GRID2: variants seen among roughly 807,000 people sequenced by gnomAD.
GRID2 encodes the protein glutamate receptor ionotropic, delta-2.
In GRID2, 33 loss-of-function variants were observed where a neutral mutation model predicts 114.8. That is an observed-to-expected ratio of 0.29 (90% CI 0.22 to 0.38). The LOEUF (loss-of-function observed/expected upper bound fraction) is 0.38, where lower values mean the gene tolerates loss of function less well. GRID2 is among the 10% of genes least tolerant of loss of function. The probability of loss-of-function intolerance (pLI) is 1.00; values close to 1 mark genes in which losing one functional copy is unlikely to be tolerated. For synonymous variants in GRID2, 505 were observed against 449.9 expected (o/e 1.12, Z -1.55); for missense variants, 1,184 against 1,257.7 (o/e 0.94, Z 0.89).
chr4:92,709,021 G>A (rs1735085498), intron 2 of GRID2, among the ~76,000 whole-genome samples: 1 of 152,170 alleles, frequency 6.6e-6, no homozygotes, highest in Non-Finnish European at 1.5e-5. Flanking sequence ...AGAACTCACA[G>A]GCTGAGAGTT....
chr4:93,052,146 T>C (rs548558653), intron 2 of GRID2, among the ~76,000 whole-genome samples: 4 of 152,140 alleles, frequency 2.6e-5, no homozygotes, highest in South Asian at 4.1e-4. Flanking sequence ...GTCAATTTCT[T>C]TGGACTTACA....
intron 1 of GRID2, among the ~76,000 whole-genome samples, chr4:92,349,914 A>T (rs1308179045): frequency 4.0e-5 from 6 of 151,894 alleles, no homozygotes; most frequent in African/African-American, 1.4e-4. Flanking sequence ...GTAACCCTTA[A>T]GTTCTTCCAC....
rs191850976 is a variant in GRID2, at chr4:92,429,273, A to T, written c.88+124529A>T. On this transcript the variant is annotated intron_variant, in intron 1 of 15. Coordinates refer to ENST00000282020, the MANE Select transcript of GRID2 (RefSeq NM_001510.4). ...AATATCCAATATCCCAGCCTCTTGT[A>T]AATATTCTATTTTCTGTCTTCATAA... 2.4e-3 allele frequency among the ~76,000 whole-genome samples: 373 copies of T among 152,278 alleles called. 3 individuals carry two copies. The highest frequency in any genetic ancestry group is 8.4e-3 in the African/African-American group (348 of 41,574).
At chr4:93,765,533 A>G (rs1232010097) in intron 14 of GRID2, among the ~76,000 whole-genome samples, 1 of 151,674 alleles carries the variant, frequency 6.6e-6, no homozygotes, top group African/African-American at 2.4e-5. Context: ...GGCTGAACCT[A>G]AAAATTCTGC....
chr4:93,239,128 A>G (rs1747161598), intron 8 of GRID2, among the ~76,000 whole-genome samples: 2 of 146,636 alleles, frequency 1.4e-5, no homozygotes, highest in Admixed American at 7.0e-5. Context: ...AATTTTTGAT[A>G]TATATATCAA....
At chr4:92,705,368 A>C (rs1487205009) in intron 2 of GRID2, among the ~76,000 whole-genome samples, 1 of 152,206 alleles carries the variant, frequency 6.6e-6, no homozygotes, top group Non-Finnish European at 1.5e-5. Flanking sequence ...TATTGAGAAC[A>C]TACTACACGC....
intron 2 of GRID2, among the ~76,000 whole-genome samples, chr4:92,734,626 A>G (rs1349914269): frequency 6.6e-6 from 1 of 152,006 alleles, no homozygotes. Context: ...AGGAAACTTG[A>G]CATTCATGAA....
intron 13 of GRID2, among the ~76,000 whole-genome samples, chr4:93,589,769 C>T (rs1384154883): frequency 6.6e-6 from 1 of 151,998 alleles, no homozygotes; most frequent in African/African-American, 2.4e-5. Flanking sequence ...ATGGTATCTC[C>T]TTGTGGTTTT....
intron 1 of GRID2, among the ~76,000 whole-genome samples, chr4:92,388,760 T>A (rs773050989): frequency 6.6e-6 from 1 of 152,022 alleles, no homozygotes; most frequent in East Asian, 1.9e-4. Context: ...TGTATATATA[T>A]GAAATAGACT....
At chr4:93,371,061 C>T (rs1247203455) in intron 8 of GRID2, among the ~76,000 whole-genome samples, 8 of 152,048 alleles carry the variant, frequency 5.3e-5, no homozygotes, top group African/African-American at 1.9e-4. Flanking sequence ...TGCATTGAAT[C>T]GTTTATTCAG....
intron 8 of GRID2, among the ~76,000 whole-genome samples, chr4:93,261,945 T>C (rs1379904226): frequency 6.6e-6 from 1 of 151,608 alleles, no homozygotes; most frequent in African/African-American, 2.4e-5. Flanking sequence ...TTCACTCAAA[T>C]ACTGAACCAA....
At chr4:93,526,777 C>G (rs1730950449) in intron 13 of GRID2, among the ~76,000 whole-genome samples, 1 of 152,032 alleles carries the variant, frequency 6.6e-6, no homozygotes, top group African/African-American at 2.4e-5. Context: ...CCATTGCACT[C>G]CAGCCTGGGC....
At chr4:92,676,585 G>A (rs1389630837) in intron 2 of GRID2, among the ~76,000 whole-genome samples, 1 of 151,986 alleles carries the variant, frequency 6.6e-6, no homozygotes, top group Non-Finnish European at 1.5e-5. Context: ...TTCATATGGA[G>A]CATGGACTTA....
chr4:93,233,214 A>G (rs1746339714), intron 7 of GRID2, among the ~76,000 whole-genome samples: 1 of 152,128 alleles, frequency 6.6e-6, no homozygotes, highest in Non-Finnish European at 1.5e-5. Context: ...GAATAGAGAC[A>G]TGGCTTCTAA....
chr4:93,461,670 C>T (rs1162063864), intron 11 of GRID2, among the ~76,000 whole-genome samples: 1 of 152,100 alleles, frequency 6.6e-6, no homozygotes, highest in Non-Finnish European at 1.5e-5. Context: ...TCCAACTGTG[C>T]AAAAGCAGTA....
At chr4:93,067,435 G>T (rs1423866078) in intron 2 of GRID2, among the ~76,000 whole-genome samples, 1 of 151,970 alleles carries the variant, frequency 6.6e-6, no homozygotes, top group Non-Finnish European at 1.5e-5. Context: ...TTCTGTTATG[G>T]TGGAAGGAGA....
chr4:92,639,040 A>G lies in GRID2; in HGVS notation c.244+48754A>G, dbSNP rs190363726. Among the ~76,000 whole-genome samples the G allele has an allele frequency of 4.4e-4, 67 of 151,488 alleles. 1 individual carries two copies. The highest frequency in any genetic ancestry group is 5.6e-3 in the Middle Eastern group (1 of 180). ...ACTTTCCATGCTTCAGTATTATTTT[A>G]TAATGGTATTTTCAATTTGTAAACC... is the stretch of plus-strand genomic sequence containing the variant. On this transcript the variant is annotated intron_variant, in intron 2 of 15. Coordinates refer to ENST00000282020, the MANE Select transcript of GRID2 (RefSeq NM_001510.4).
intron 1 of GRID2, among the ~76,000 whole-genome samples, chr4:92,397,164 C>A (rs1304859302): frequency 6.6e-6 from 1 of 151,694 alleles, no homozygotes; most frequent in Non-Finnish European, 1.5e-5. Context: ...AACAATATTA[C>A]AATTATTATA....
intron 2 of GRID2, among the ~76,000 whole-genome samples, chr4:93,006,903 A>T (rs549400503): frequency 6.6e-6 from 1 of 152,146 alleles, no homozygotes; most frequent in East Asian, 1.9e-4. Context: ...GTAAAAAAAC[A>T]GCAACCAAGA....
Sources: allele counts gnomAD v4.1 joint callset (sites outside exome capture counted in the v4.1 genomes callset), GRCh38; gene constraint gnomAD v4.1.1; transcripts MANE v1.5; gene names NCBI Gene and HGNC (gene_info 2026-07-23, HGNC 2026-07-21).